UBA5: variants seen among roughly 807,000 people sequenced by gnomAD.
UBA5 encodes the protein ubiquitin like modifier activating enzyme 5.
Under a neutral mutation model 52.9 loss-of-function variants are expected in UBA5, and 28 were observed. The observed-to-expected ratio is 0.53, with a 90% CI of 0.39 to 0.73. The LOEUF (loss-of-function observed/expected upper bound fraction) is 0.73. Among genes scored for constraint, UBA5 ranks in the 30% least tolerant of loss-of-function variants. The probability of loss-of-function intolerance (pLI) is 0.00; values close to 1 mark genes in which losing one functional copy is unlikely to be tolerated. For missense variants in UBA5, 388 were observed against 492.7 expected (o/e 0.79, Z 2.01); for synonymous variants, 135 against 162.1 (o/e 0.83, Z 1.27).
chr3:132,654,537 A>C (rs1029858138), exon 1 of UBA5: 1 of 152,230 alleles, frequency 6.6e-6, no homozygotes, highest in African/African-American at 2.4e-5. Context: ...ATGGCCATGG[A>C]GATGTCTGTG....
intron 1 of UBA5, among the ~76,000 whole-genome samples, chr3:132,661,751 ATAGTGT>A (rs1396018475): frequency 2.0e-5 from 3 of 152,136 alleles, no homozygotes; most frequent in Non-Finnish European, 4.4e-5. Context: ...TAAAAATTGT[ATAGTGT>A]TAAAGTAGAT....
intron 3 of UBA5, among the ~76,000 whole-genome samples, chr3:132,666,485 TA>T (rs1377683970): frequency 6.6e-6 from 1 of 152,132 alleles, no homozygotes; most frequent in Non-Finnish European, 1.5e-5. Context: ...GATGGATTTT[TA>T]AAAATTGGTA....
Position 132,660,385 on chromosome 3 carries a change from T to G in UBA5, c.-153T>G. On this transcript the variant is annotated 5_prime_UTR_variant, in exon 1 of 12. Coordinates refer to ENST00000356232, the MANE Select transcript of UBA5 (RefSeq NM_024818.6). This position sits in a 1 kb window ranked among gnomAD's most constrained non-coding sequence, Gnocchi z 4.1. ...GGAGTCTCGGAGACGTGTCTGTCTG[T>G]GAGGCGCTGGGTGCACGTCCCCAGG... 1.0e-6 allele frequency: 1 copy of G among 963,092 alleles called. No individual in the cohort carries two copies. The highest frequency in any genetic ancestry group is 1.5e-6 in the Non-Finnish European group (1 of 663,918). The allele number at this position is 963,092 out of a possible 1,614,324, so 59.7% of individuals were successfully genotyped here. A position where few individuals can be genotyped will look rare whatever the true frequency, so the allele number is the denominator to read the frequency against.
Position 132,676,884 on chromosome 3 carries a change from T to C in UBA5, c.*358T>C. Reference sequence around the variant, plus strand: ...CCCTTGTGTCTGTTGCATGAGGACATGGACAATAAAGTAGTATATGATCCT... The same window carrying C: ...CCCTTGTGTCTGTTGCATGAGGACACGGACAATAAAGTAGTATATGATCCT... On this transcript the variant is annotated 3_prime_UTR_variant, in exon 12 of 12. Transcript: ENST00000356232. The surrounding 1 kb of genome is among the most constrained non-coding windows in gnomAD (Gnocchi z 4.1). 2.2e-6 allele frequency: 1 copy of C among 458,740 alleles called. No individual in the cohort carries two copies. Among genetic ancestry groups the C allele is most frequent in the Non-Finnish European group, 4.4e-6 (1 of 228,602 alleles). 28.4% of individuals were successfully genotyped at this position (458,740 alleles called of 1,614,324 possible). A position where few individuals can be genotyped will look rare whatever the true frequency, so the allele number is the denominator to read the frequency against.
At chr3:132,668,474 C>T (rs772377138) in intron 3 of UBA5, 39 of 156,480 alleles carry the variant, frequency 2.5e-4, no homozygotes, top group Admixed American at 7.1e-4. Flanking sequence ...GGGAATTAAT[C>T]TTAATTTCTG....
intron 8 of UBA5, among the ~76,000 whole-genome samples, chr3:132,673,620 T>A (rs889569326): frequency 6.6e-6 from 1 of 152,092 alleles, no homozygotes; most frequent in Non-Finnish European, 1.5e-5. Context: ...AGTGTTGGGA[T>A]TACAGGCGTG....
rs368924841 is a variant in UBA5 at position 132,665,908 on chromosome 3, A to G, written c.207+40A>G. ...TTCCAAGTTTTTGTAAGATTAATTC[A>G]GTAAATTAAAATAACTTCTGGTGAC... is the stretch of plus-strand genomic sequence containing the variant. On this transcript the variant is annotated intron_variant, in intron 2 of 11. Coordinates refer to ENST00000356232, the MANE Select transcript of UBA5 (RefSeq NM_024818.6). The G allele has an allele frequency of 1.3e-4, 210 of 1,611,890 alleles. 3 individuals carry two copies. The Admixed American group carries it at 3.4e-3, about 26-fold the overall frequency.
upstream of UBA5, chr3:132,659,637 C>T: frequency 6.2e-7 from 1 of 1,610,570 alleles, no homozygotes; most frequent in Non-Finnish European, 8.5e-7. Flanking sequence ...GCCTCACGTT[C>T]GGCCCCAAAG....
chr3:132,668,902 G>C lies in UBA5; in HGVS notation c.382G>C (p.Val128Leu), dbSNP rs1938486088. 6.2e-7 allele frequency: 1 copy of C among 1,610,040 alleles called. No individual in the cohort carries two copies. The change falls in exon 4 of 12, where the codon GTT becomes CTT. Residue 128 changes from valine (V) to leucine (L), a missense_variant. Val to Leu is a conservative substitution (Grantham distance 32, BLOSUM62 1). Coordinates refer to ENST00000356232, the MANE Select transcript of UBA5 (RefSeq NM_024818.6). ...FQPHQAGLSK[V>L]QAAEHTLRNI... ...ACCTCATCAAGCAGGATTAAGTAAA[G>C]TTCAAGCAGCAGAACATACTCTGAG...
Position 132,676,414 on chromosome 3 carries a change from T to G in UBA5, c.1132-29T>G. 1 of 1,559,798 alleles carries G rather than the reference T, an allele frequency of 6.4e-7. No individual in the cohort carries two copies. Among genetic ancestry groups the G allele is most frequent in the Non-Finnish European group, 8.8e-7 (1 of 1,138,570 alleles). ...ATCAAGAATTCTATATGGTTCTTTT[T>G]TCACTGTATTTCCCTTATTTGTCAA... On this transcript the variant is annotated intron_variant, in intron 11 of 11. Coordinates refer to ENST00000356232, the MANE Select transcript of UBA5 (RefSeq NM_024818.6). This position sits in a 1 kb window ranked among gnomAD's most constrained non-coding sequence, Gnocchi z 4.1.
At chr3:132,673,113 A>T (rs1938676175) in intron 8 of UBA5, among the ~76,000 whole-genome samples, 2 of 152,204 alleles carry the variant, frequency 1.3e-5, no homozygotes, top group Non-Finnish European at 2.9e-5. Flanking sequence ...GCTATTTCAT[A>T]TAAGAGCAAA....
rs1938954154 is a variant in UBA5 at position 132,679,219 on chromosome 3, G to A, written c.*2693G>A. ...GGAGGCAGAGGTTGCAGTGAGCTGAGATAGTGCCACTGCACTCCAGTCTGG... is the reference window on the plus strand; with the variant it reads ...GGAGGCAGAGGTTGCAGTGAGCTGAAATAGTGCCACTGCACTCCAGTCTGG... On this transcript the variant is annotated 3_prime_UTR_variant, in exon 12 of 12. Coordinates refer to ENST00000356232, the MANE Select transcript of UBA5 (RefSeq NM_024818.6). Among the ~76,000 whole-genome samples, 1 of 151,972 alleles carries A rather than the reference G, an allele frequency of 6.6e-6. No individual in the cohort carries two copies. Among genetic ancestry groups the A allele is most frequent in the South Asian group, 2.1e-4 (1 of 4,810 alleles).
At position 132,660,830 on chromosome 3, in the gene UBA5, C is replaced by A; in HGVS notation, c.161+132C>A. 1 of 1,447,718 alleles carries A rather than the reference C, an allele frequency of 6.9e-7. No individual in the cohort carries two copies. Among genetic ancestry groups the A allele is most frequent in the East Asian group, 2.5e-5 (1 of 39,960 alleles). The allele number at this position is 1,447,718 out of a possible 1,614,324, so 89.7% of individuals were successfully genotyped here. On this transcript the variant is annotated intron_variant, in intron 1 of 11. Coordinates refer to ENST00000356232, the MANE Select transcript of UBA5 (RefSeq NM_024818.6). The surrounding 1 kb of genome is among the most constrained non-coding windows in gnomAD (Gnocchi z 4.1). ...CTTTTCTTGGTCTGCGAATCCTGTT[C>A]CCAAATGGGCAAGGCCACATCTTAG...
upstream of UBA5, among the ~76,000 whole-genome samples, chr3:132,657,493 G>C (rs1937870223): frequency 1.3e-5 from 2 of 152,130 alleles, no homozygotes; most frequent in Admixed American, 1.3e-4. Flanking sequence ...GATTGTCATT[G>C]CTTTGAATCA....
At chr3:132,665,634 A>G (rs1320162691) in intron 1 of UBA5, 189 bp from the exon 2 acceptor site, 4 of 571,518 alleles carry the variant, frequency 7.0e-6, no homozygotes, top group African/African-American at 5.6e-5. Flanking sequence ...CACTTGGGAG[A>G]GTTTTTTTAA....
intron 8 of UBA5, 127 bp from the exon 9 acceptor site, chr3:132,675,121 G>A: frequency 1.4e-6 from 1 of 691,998 alleles, no homozygotes; most frequent in Non-Finnish European, 2.3e-6. Flanking sequence ...TCTGGATGCA[G>A]ATTTCTGTTT....
chr3:132,655,199 C>T (rs557666129), intron 1 of UBA5, among the ~76,000 whole-genome samples: 7 of 152,332 alleles, frequency 4.6e-5, no homozygotes, highest in African/African-American at 1.7e-4. Context: ...CCACTCTGGT[C>T]TATGCCACTG....
intron 4 of UBA5, 122 bp from the exon 5 acceptor site, chr3:132,670,076 T>C: frequency 1.7e-6 from 1 of 599,162 alleles, no homozygotes; most frequent in Non-Finnish European, 3.0e-6. Flanking sequence ...CAGGTTGGGG[T>C]GCAGTGGGTG....
chr3:132,663,229 G>A (rs1938241481), intron 1 of UBA5, among the ~76,000 whole-genome samples: 1 of 151,924 alleles, frequency 6.6e-6, no homozygotes, highest in Non-Finnish European at 1.5e-5. Context: ...CTTCAGGTAG[G>A]GCTAAAAAAA....
Sources: gnomAD v4.1 joint callset for allele counts (sites outside exome capture counted in the v4.1 genomes callset) on GRCh38, gnomAD v4.1.1 for gene constraint, Gnocchi (gnomAD v3.1) non-coding constraint, MANE v1.5 for transcripts, NCBI Gene and HGNC (gene_info 2026-07-23, HGNC 2026-07-21) for gene names.